The following CCDC171 variants were observed in gnomAD, a reference collection of about 807,000 sequenced individuals.
The protein encoded by CCDC171 is coiled-coil domain-containing protein 171.
CCDC171 carries 177 observed loss-of-function variants against 168.2 expected under a neutral mutation model. The observed-to-expected ratio is 1.05, with a 90% CI of 0.93 to 1.19. The LOEUF is 1.19. CCDC171 is among the 50% of genes most tolerant of loss of function. The pLI, the probability that CCDC171 is intolerant of heterozygous loss-of-function variation, is 0.00. For missense variants in CCDC171, 1,991 were observed against 1,539.0 expected (o/e 1.29, Z -4.91); for synonymous variants, 687 against 540.8 (o/e 1.27, Z -3.75).
intron 21 of CCDC171, among the ~76,000 whole-genome samples, chr9:15,838,190 A>G (rs2136331362): frequency 6.6e-6 from 1 of 152,338 alleles, no homozygotes; most frequent in East Asian, 1.9e-4. Flanking sequence ...TACTCTGAGT[A>G]ACGTAAAAGT....
chr9:15,952,998 G>A (rs544528925), intron 25 of CCDC171, among the ~76,000 whole-genome samples: 38 of 152,238 alleles, frequency 2.5e-4, no homozygotes, highest in African/African-American at 8.7e-4. Flanking sequence ...GTTAGGGTAT[G>A]GAAATGTAAC....
At chr9:15,877,928 ATAAT>A (rs1225181282) in intron 24 of CCDC171, among the ~76,000 whole-genome samples, 3 of 152,264 alleles carry the variant, frequency 2.0e-5, no homozygotes, top group African/African-American at 4.8e-5. Flanking sequence ...ACAATAAATA[ATAAT>A]TAAACAGTAA....
At chr9:15,703,072 T>C (rs1323668406) in intron 11 of CCDC171, among the ~76,000 whole-genome samples, 2 of 152,174 alleles carry the variant, frequency 1.3e-5, no homozygotes, top group African/African-American at 2.4e-5. Context: ...CCCAGCTAAT[T>C]TTTTTTAATT....
chr9:15,568,135 G>T (rs2039897540), intron 2 of CCDC171, among the ~76,000 whole-genome samples: 1 of 151,932 alleles, frequency 6.6e-6, no homozygotes, highest in Non-Finnish European at 1.5e-5. Flanking sequence ...TTTTTTCTTA[G>T]TGGATTTCTA....
intron 18 of CCDC171, among the ~76,000 whole-genome samples, chr9:15,757,994 G>C (rs2056229383): frequency 6.6e-6 from 1 of 152,182 alleles, no homozygotes; most frequent in Non-Finnish European, 1.5e-5. Flanking sequence ...GGCTCTTATA[G>C]AGAACCTCTG....
chr9:15,791,475 T>A (rs1293269201), intron 21 of CCDC171, among the ~76,000 whole-genome samples: 1 of 152,214 alleles, frequency 6.6e-6, no homozygotes, highest in African/African-American at 2.4e-5. Context: ...AAGTTGCTTA[T>A]CAGCTTAAAG....
the CCDC171 span, among the ~76,000 whole-genome samples, chr9:16,096,299 G>A: frequency 1.3e-5 from 2 of 152,182 alleles, no homozygotes; most frequent in Non-Finnish European, 2.9e-5. Flanking sequence ...AACAAGGATT[G>A]AAAACACAAT....
chr9:15,855,176 A>G (rs760638645), intron 23 of CCDC171, among the ~76,000 whole-genome samples: 1 of 151,750 alleles, frequency 6.6e-6, no homozygotes, highest in Admixed American at 6.6e-5. Context: ...TATGATGTCA[A>G]AGTCTCCAAA....
chr9:15,989,991 T>G (rs985372183), intron 3 of CCDC171, among the ~76,000 whole-genome samples: 17 of 152,198 alleles, frequency 1.1e-4, no homozygotes, highest in African/African-American at 4.1e-4. Flanking sequence ...GGAACCAAGT[T>G]GGAAAACACT....
At chr9:15,799,669 T>C (rs935213123) in intron 21 of CCDC171, among the ~76,000 whole-genome samples, 3 of 152,110 alleles carry the variant, frequency 2.0e-5, no homozygotes, top group African/African-American at 4.8e-5. Flanking sequence ...AAATTGTTAT[T>C]GACTGTAGCC....
chr9:15,570,136 A>G (rs1200812191), intron 2 of CCDC171, among the ~76,000 whole-genome samples: 1 of 151,770 alleles, frequency 6.6e-6, no homozygotes, highest in Non-Finnish European at 1.5e-5. Context: ...CATCCAGCTA[A>G]TTTTTTATAT....
chr9:15,795,758 A>T (rs2058523071), intron 21 of CCDC171, among the ~76,000 whole-genome samples: 1 of 152,184 alleles, frequency 6.6e-6, no homozygotes, highest in African/African-American at 2.4e-5. Context: ...GCTACATGAG[A>T]ATTTGACATC....
At chr9:15,822,476 C>G (rs2059820929) in intron 21 of CCDC171, among the ~76,000 whole-genome samples, 1 of 151,988 alleles carries the variant, frequency 6.6e-6, no homozygotes, top group Admixed American at 6.6e-5. Context: ...TGAACTCAAA[C>G]AAATTTACAA....
At chr9:16,066,769 T>G in the CCDC171 span, among the ~76,000 whole-genome samples, 2 of 150,984 alleles carry the variant, frequency 1.3e-5, no homozygotes, top group Non-Finnish European at 3.0e-5. Flanking sequence ...ATTTCATCCA[T>G]GTCCCTGCAA....
intron 19 of CCDC171, 47 bp downstream of exon 19, chr9:15,777,873 T>A: frequency 8.4e-7 from 1 of 1,195,714 alleles, no homozygotes; most frequent in Non-Finnish European, 1.2e-6. Context: ...CTTGTAGGTT[T>A]AATTTTGAAT....
At chr9:15,779,311 C>T (rs2057527950) in intron 20 of CCDC171, among the ~76,000 whole-genome samples, 161 bp downstream of exon 20, 1 of 151,956 alleles carries the variant, frequency 6.6e-6, no homozygotes, top group Non-Finnish European at 1.5e-5. Context: ...TCTAAAATGC[C>T]TCTAATTGCT....
In CCDC171 at chr9:15,724,980, T is replaced by TGGAAG. The variant is rs761144630; in HGVS notation, c.1692+4_1692+5insGGAAG. ...GGCTTTCCATAAGGATGCAGAGGTA[T>TGGAAG]TACCTGAGACTCAATGACTGTCAGG... is the stretch of plus-strand genomic sequence containing the variant. On this transcript the variant is annotated splice_donor_region_variant and intron_variant, in intron 14 of 25. Coordinates refer to ENST00000380701, the MANE Select transcript of CCDC171 (RefSeq NM_173550.4). 4 of 1,610,214 alleles carry TGGAAG rather than the reference T, an allele frequency of 2.5e-6. No individual in the cohort carries two copies. The East Asian group carries it at 6.7e-5, about 27-fold the overall frequency.
At chr9:15,954,458 T>C (rs1469749789) in intron 25 of CCDC171, among the ~76,000 whole-genome samples, 1 of 152,170 alleles carries the variant, frequency 6.6e-6, no homozygotes, top group Non-Finnish European at 1.5e-5. Flanking sequence ...GAGTGTGTTG[T>C]TTAAATTCCA....
chr9:15,723,548 A>G (rs910046417), intron 12 of CCDC171, 133 bp from the exon 13 acceptor site: 6 of 637,140 alleles, frequency 9.4e-6, no homozygotes, highest in Middle Eastern at 3.2e-4. Context: ...CTTAATTACT[A>G]TTGAAAAATT....
Sources: gnomAD v4.1 joint callset for allele counts (sites outside exome capture counted in the v4.1 genomes callset) on GRCh38, gnomAD v4.1.1 for gene constraint, MANE v1.5 for transcripts, NCBI Gene and HGNC (gene_info 2026-07-23, HGNC 2026-07-21) for gene names.